Variants in NKAIN3 observed in about 807,000 individuals in gnomAD.
NKAIN3 encodes sodium/potassium-transporting ATPase subunit beta-1-interacting protein 3.
In NKAIN3, 25 loss-of-function variants were observed where a neutral mutation model predicts 30.2. The observed-to-expected ratio is 0.83, with a 90% CI of 0.60 to 1.16. NKAIN3 has a LOEUF of 1.16. Ranked by LOEUF, NKAIN3 falls within the 50% of genes most tolerant of loss-of-function variation. The probability of loss-of-function intolerance (pLI) is 0.00; values close to 1 mark genes in which losing one functional copy is unlikely to be tolerated. For synonymous variants in NKAIN3, 91 were observed against 89.6 expected (o/e 1.02, Z -0.09); for missense variants, 225 against 254.1 (o/e 0.89, Z 0.78).
At chr8:62,769,264 C>T (rs1028512177) in intron 4 of NKAIN3, among the ~76,000 whole-genome samples, 2 of 152,138 alleles carry the variant, frequency 1.3e-5, no homozygotes, top group Non-Finnish European at 2.9e-5. Context: ...GTTAGAGCAT[C>T]TAGGATTTGT....
chr8:62,290,186 A>G (rs1373359155), intron 1 of NKAIN3, among the ~76,000 whole-genome samples: 1 of 152,194 alleles, frequency 6.6e-6, no homozygotes. Context: ...TGTCATCTGC[A>G]AGCAGGGACA....
intron 1 of NKAIN3, among the ~76,000 whole-genome samples, chr8:62,493,300 T>G (rs972166309): frequency 6.6e-6 from 1 of 152,144 alleles, no homozygotes; most frequent in African/African-American, 2.4e-5. Context: ...TCATTGCTTG[T>G]TTTTGTCACC....
At chr8:62,390,136 G>A (rs1457056402) in intron 1 of NKAIN3, among the ~76,000 whole-genome samples, 3 of 151,826 alleles carry the variant, frequency 2.0e-5, no homozygotes, top group African/African-American at 7.3e-5. Flanking sequence ...CAATTATTTT[G>A]TCACCCAGGT....
At chr8:62,682,951 C>T (rs1354521173) in intron 3 of NKAIN3, among the ~76,000 whole-genome samples, 2 of 152,176 alleles carry the variant, frequency 1.3e-5, no homozygotes, top group African/African-American at 4.8e-5. Flanking sequence ...TAGGGCCCTG[C>T]TCAGCACCTG....
intron 1 of NKAIN3, among the ~76,000 whole-genome samples, chr8:62,417,278 C>T (rs1804477142): frequency 6.6e-6 from 1 of 152,148 alleles, no homozygotes; most frequent in African/African-American, 2.4e-5. Context: ...CCCTTTCCAT[C>T]CATGTTGTTG....
intron 2 of NKAIN3, among the ~76,000 whole-genome samples, chr8:62,588,509 T>G (rs1481676618): frequency 6.6e-6 from 1 of 151,784 alleles, no homozygotes; most frequent in African/African-American, 2.4e-5. Context: ...TATGAGATTA[T>G]TTTAAAAATT....
intron 1 of NKAIN3, among the ~76,000 whole-genome samples, chr8:62,284,669 G>A (rs1813314187): frequency 6.6e-6 from 1 of 152,010 alleles, no homozygotes; most frequent in African/African-American, 2.4e-5. Context: ...TGTAGACTGT[G>A]TGGTGCTTAG....
intron 4 of NKAIN3, among the ~76,000 whole-genome samples, chr8:62,773,366 T>G (rs1817084989): frequency 6.6e-6 from 1 of 152,194 alleles, no homozygotes; most frequent in South Asian, 2.1e-4. Context: ...GAGTTCACTG[T>G]AGATGTATAG....
At chr8:62,498,688 C>T (rs945811703) in intron 1 of NKAIN3, among the ~76,000 whole-genome samples, 1 of 151,294 alleles carries the variant, frequency 6.6e-6, no homozygotes, top group African/African-American at 2.4e-5. Flanking sequence ...GACCAAGAAT[C>T]CAATCAACCA....
At chr8:62,413,064 C>T (rs952844984) in intron 1 of NKAIN3, among the ~76,000 whole-genome samples, 88 of 152,124 alleles carry the variant, frequency 5.8e-4, no homozygotes, top group African/African-American at 1.8e-3. Flanking sequence ...CAGTAATCAT[C>T]AGAGAAATAC....
intron 1 of NKAIN3, among the ~76,000 whole-genome samples, chr8:62,270,235 A>G (rs1812739405): frequency 6.6e-6 from 1 of 152,010 alleles, no homozygotes. Flanking sequence ...ATGTGTGACC[A>G]CAACCAACAA....
intron 1 of NKAIN3, among the ~76,000 whole-genome samples, chr8:62,374,274 G>A (rs180905777): frequency 1.3e-3 from 195 of 152,252 alleles, no homozygotes; most frequent in African/African-American, 4.2e-3. Flanking sequence ...TTTAGCTAGT[G>A]CTATTCACTC....
At chr8:62,257,343 G>C (rs912326313) in intron 1 of NKAIN3, among the ~76,000 whole-genome samples, 2 of 152,054 alleles carry the variant, frequency 1.3e-5, no homozygotes, top group African/African-American at 4.8e-5. Flanking sequence ...TCTCTCTTAA[G>C]CTTCAGTTAC....
chr8:62,545,521 A>G (rs1257288558), intron 1 of NKAIN3, among the ~76,000 whole-genome samples: 1 of 152,220 alleles, frequency 6.6e-6, no homozygotes, highest in Non-Finnish European at 1.5e-5. Flanking sequence ...GTGAGCTGAG[A>G]TCATACCATT....
chr8:62,850,089 T>G (rs991183011), intron 4 of NKAIN3, among the ~76,000 whole-genome samples: 1 of 152,130 alleles, frequency 6.6e-6, no homozygotes, highest in African/African-American at 2.4e-5. Flanking sequence ...AAAGTGATCC[T>G]ATTTCTCCAG....
At chr8:62,625,895 G>A (rs1811773210) in intron 3 of NKAIN3, among the ~76,000 whole-genome samples, 1 of 151,978 alleles carries the variant, frequency 6.6e-6, no homozygotes, top group Admixed American at 6.6e-5. Context: ...ACTTACTACA[G>A]TGATGTCAAA....
At chr8:62,366,223 C>CTTTTTTTT (rs71255329) in intron 1 of NKAIN3, among the ~76,000 whole-genome samples, 1 of 129,594 alleles carries the variant, frequency 7.7e-6, no homozygotes, top group African/African-American at 2.9e-5. Context: ...ATTCTGTTTC[C>CTTTTTTTT]TTTTTTTTTT....
At chr8:62,378,973 C>T (rs1817183417) in intron 1 of NKAIN3, among the ~76,000 whole-genome samples, 1 of 152,194 alleles carries the variant, frequency 6.6e-6, no homozygotes. Flanking sequence ...CACTCAATGC[C>T]AGCCTGTGAA....
chr8:62,715,197 C>T (rs1260574238), intron 3 of NKAIN3, among the ~76,000 whole-genome samples: 8 of 152,234 alleles, frequency 5.3e-5, no homozygotes, highest in South Asian at 4.2e-4. Flanking sequence ...GATCCAGTAA[C>T]CTCCCATGAA....
Sources: allele counts gnomAD v4.1 joint callset (sites outside exome capture counted in the v4.1 genomes callset), GRCh38; gene constraint gnomAD v4.1.1; transcripts MANE v1.5; gene names NCBI Gene and HGNC (gene_info 2026-07-23, HGNC 2026-07-21).